The following PPP1R14C variants were observed in gnomAD, a reference collection of about 807,000 sequenced individuals.
PPP1R14C encodes the protein protein phosphatase 1 regulatory subunit 14C.
Under a neutral mutation model 20.4 loss-of-function variants are expected in PPP1R14C, and 16 were observed. That is an observed-to-expected ratio of 0.78 (90% CI 0.53 to 1.19). The LOEUF (loss-of-function observed/expected upper bound fraction) is 1.19, where lower values mean the gene tolerates loss of function less well. PPP1R14C is among the 50% of genes most tolerant of loss of function. The pLI is 0.00. For missense variants in PPP1R14C, 211 were observed against 220.1 expected (o/e 0.96, Z 0.26); for synonymous variants, 91 against 91.0 (o/e 1.00, Z 0.00).
chr6:150,150,983 C>A (rs1220459723), intron 1 of PPP1R14C, among the ~76,000 whole-genome samples: 1 of 152,064 alleles, frequency 6.6e-6, no homozygotes, highest in African/African-American at 2.4e-5. Context: ...GCCTGCTCTT[C>A]AGTGATGACA....
Position 150,143,763 on chromosome 6 carries a change from C to T in PPP1R14C, c.306+265C>T, listed in dbSNP as rs944697303. 1.3e-5 allele frequency among the ~76,000 whole-genome samples: 2 copies of T among 152,054 alleles called. No homozygotes were observed. The highest frequency in any genetic ancestry group is 4.8e-5 in the African/African-American group (2 of 41,430). On this transcript the variant is annotated intron_variant, in intron 1 of 3. Coordinates refer to ENST00000361131, the MANE Select transcript of PPP1R14C (RefSeq NM_030949.3). The surrounding 1 kb of genome is among the most constrained non-coding windows in gnomAD (Gnocchi z 5.6). ...TGGCCGTGGGGAGGGTTGGGTCCCG[C>T]GGAGCACAGTGCTTTTCTCCGAGCT...
chr6:150,189,514 C>T (rs1777717532), intron 1 of PPP1R14C, among the ~76,000 whole-genome samples: 1 of 150,572 alleles, frequency 6.6e-6, no homozygotes, highest in African/African-American at 2.5e-5. Flanking sequence ...AGGAAGACAC[C>T]TGGCTATCCT....
chr6:150,210,824 C>G (rs1055381333), intron 1 of PPP1R14C, among the ~76,000 whole-genome samples: 11 of 152,128 alleles, frequency 7.2e-5, no homozygotes, highest in Non-Finnish European at 2.9e-5. Context: ...CATGTTTTCT[C>G]CAGTTTGCTG....
chr6:150,234,035 C>T (rs1225799616), intron 3 of PPP1R14C, among the ~76,000 whole-genome samples: 4 of 152,206 alleles, frequency 2.6e-5, no homozygotes, highest in Admixed American at 6.5e-5. Context: ...GGAGAGTGTG[C>T]GAATTCCCAC....
intron 3 of PPP1R14C, among the ~76,000 whole-genome samples, chr6:150,225,698 G>A (rs79307456): frequency 6.6e-6 from 1 of 152,304 alleles, no homozygotes; most frequent in African/African-American, 2.4e-5. Context: ...TGACACCATT[G>A]TTGTCAGTTA....
intron 1 of PPP1R14C, among the ~76,000 whole-genome samples, chr6:150,159,835 C>T (rs1777345319): frequency 6.6e-6 from 1 of 152,058 alleles, no homozygotes; most frequent in Admixed American, 6.6e-5. Context: ...TTAGTTTTTG[C>T]CTAGAGTCCT....
chr6:150,197,546 T>C (rs1777819985), intron 1 of PPP1R14C, among the ~76,000 whole-genome samples: 1 of 152,228 alleles, frequency 6.6e-6, no homozygotes, highest in Non-Finnish European at 1.5e-5. Context: ...GATTGGCACA[T>C]TGCTGATTTC....
intron 3 of PPP1R14C, among the ~76,000 whole-genome samples, chr6:150,248,208 A>T (rs915041137): frequency 6.6e-6 from 1 of 152,182 alleles, no homozygotes; most frequent in African/African-American, 2.4e-5. Context: ...TAATTTGAGG[A>T]TTAAGTTTCC....
chr6:150,226,570 C>T (rs748092840), intron 3 of PPP1R14C, among the ~76,000 whole-genome samples: 2 of 152,122 alleles, frequency 1.3e-5, no homozygotes, highest in Non-Finnish European at 1.5e-5. Flanking sequence ...TTAATGTGGG[C>T]TTGAGGGCAT....
At chr6:150,181,258 C>T (rs1189927259) in intron 1 of PPP1R14C, among the ~76,000 whole-genome samples, 1 of 152,150 alleles carries the variant, frequency 6.6e-6, no homozygotes, top group Non-Finnish European at 1.5e-5. Context: ...CTCACTGCAA[C>T]CTCCACCTCT....
In PPP1R14C at chr6:150,231,025, C is replaced by T. The variant is rs963635598; in HGVS notation, c.423+14169C>T. Among the ~76,000 whole-genome samples the T allele has an allele frequency of 3.0e-4, 46 of 152,088 alleles. 1 individual carries two copies. Among genetic ancestry groups the T allele is most frequent in the Non-Finnish European group, 1.0e-4 (7 of 68,020 alleles). ...CTGGTACTGGCTAGAGCAGGTGGGG[C>T]GCTGAGGGTGGAATATGAAAGTCAT... On this transcript the variant is annotated intron_variant, in intron 3 of 3. Transcript: ENST00000361131.
intron 1 of PPP1R14C, among the ~76,000 whole-genome samples, chr6:150,159,998 T>C (rs1777346831): frequency 1.3e-5 from 2 of 152,300 alleles, no homozygotes; most frequent in Admixed American, 6.5e-5. Context: ...TTGTAGAATG[T>C]CCCTCACATG....
At chr6:150,174,542 C>T (rs868033019) in intron 1 of PPP1R14C, among the ~76,000 whole-genome samples, 47 of 151,674 alleles carry the variant, frequency 3.1e-4, no homozygotes, top group Admixed American at 1.8e-3. Context: ...CTTCTCAATT[C>T]GACTGTAAGC....
At chr6:150,199,904 C>T (rs1777855719) in intron 1 of PPP1R14C, among the ~76,000 whole-genome samples, 1 of 151,942 alleles carries the variant, frequency 6.6e-6, no homozygotes, top group Non-Finnish European at 1.5e-5. Context: ...ATACATTACC[C>T]AGCCTTTTGT....
At chr6:150,214,573 C>T (rs535662163) in intron 1 of PPP1R14C, among the ~76,000 whole-genome samples, 171 bp from the exon 2 acceptor site, 56 of 151,376 alleles carry the variant, frequency 3.7e-4, no homozygotes, top group Middle Eastern at 3.4e-3. Context: ...CCTGTTTCCC[C>T]TTTTCTCTCT....
intron 1 of PPP1R14C, among the ~76,000 whole-genome samples, chr6:150,152,249 G>A (rs1176716638): frequency 6.6e-6 from 1 of 152,138 alleles, no homozygotes; most frequent in Admixed American, 6.5e-5. Flanking sequence ...AGTTTGAGCT[G>A]CAGGCCTCCG....
chr6:150,238,955 T>G (rs367975132), intron 3 of PPP1R14C, among the ~76,000 whole-genome samples: 2 of 152,162 alleles, frequency 1.3e-5, no homozygotes, highest in African/African-American at 4.8e-5. Context: ...CTTCTTTTTT[T>G]TTTGGCGGTC....
At chr6:150,199,990 C>T (rs1390012139) in intron 1 of PPP1R14C, among the ~76,000 whole-genome samples, 10 of 152,190 alleles carry the variant, frequency 6.6e-5, no homozygotes, top group East Asian at 3.9e-4. Context: ...GAATAAACAA[C>T]GAGGAAGGTA....
At chr6:150,178,320 G>A (rs1777585470) in intron 1 of PPP1R14C, among the ~76,000 whole-genome samples, 1 of 152,198 alleles carries the variant, frequency 6.6e-6, no homozygotes, top group Non-Finnish European at 1.5e-5. Context: ...AACCCTGAAT[G>A]CAGGCAGAGA....
Sources: allele counts gnomAD v4.1 joint callset (sites outside exome capture counted in the v4.1 genomes callset), GRCh38; gene constraint gnomAD v4.1.1; non-coding constraint Gnocchi (gnomAD v3.1); transcripts MANE v1.5; gene names NCBI Gene and HGNC (gene_info 2026-07-23, HGNC 2026-07-21).